The following KLHDC4 variants were observed in gnomAD, a reference collection of about 807,000 sequenced individuals.
KLHDC4 encodes the protein kelch domain-containing protein 4.
A neutral mutation model predicts 62.4 loss-of-function variants in KLHDC4; 90 were observed. That is an observed-to-expected ratio of 1.44 (90% CI 1.22 to 1.72). The LOEUF (loss-of-function observed/expected upper bound fraction) is 1.72, where lower values mean the gene tolerates loss of function less well. Among genes scored for constraint, KLHDC4 ranks in the 40% most tolerant of loss-of-function variants. The pLI is 0.00. For synonymous variants in KLHDC4, 386 were observed against 284.4 expected (o/e 1.36, Z -3.59); for missense variants, 1,025 against 699.7 (o/e 1.47, Z -5.25).
At chr16:87,731,671 T>C (rs1002670067) in intron 5 of KLHDC4, among the ~76,000 whole-genome samples, 2 of 151,248 alleles carry the variant, frequency 1.3e-5, no homozygotes, top group African/African-American at 4.9e-5. Context: ...CGGTGAAACA[T>C]AAACTTAGCG....
rs535564612 is a variant in KLHDC4 at position 87,760,585 on chromosome 16, T to C, written c.191+1364A>G. ...TGGCGCCACTGTACTCCAGCCTGGG[T>C]GACAGAGTGAGACTCCGTCCCAAAA... On this transcript the variant is annotated intron_variant, in intron 2 of 11. Transcript: ENST00000270583. 1.8e-4 allele frequency among the ~76,000 whole-genome samples: 23 copies of C among 126,944 alleles called. No homozygotes were observed. In the South Asian group the frequency reaches 5.3e-3, roughly 29 times the overall value. The allele number at this position is 126,944 out of a possible 152,430, so 83.3% of individuals were successfully genotyped here. A position where few individuals can be genotyped will look rare whatever the true frequency, so the allele number is the denominator to read the frequency against.
intron 8 of KLHDC4, among the ~76,000 whole-genome samples, chr16:87,713,095 G>A (rs750669421): frequency 6.6e-5 from 10 of 152,162 alleles, no homozygotes; most frequent in East Asian, 1.9e-4. Flanking sequence ...GCAGTGGCAC[G>A]ATCTCAGCTG....
chr16:87,758,327 G>A (rs1462016824), intron 2 of KLHDC4, among the ~76,000 whole-genome samples: 1 of 152,146 alleles, frequency 6.6e-6, no homozygotes, highest in Admixed American at 6.6e-5. Context: ...GCAGATGAGT[G>A]GACAAACACA....
chr16:87,708,610 C>A lies in KLHDC4; in HGVS notation c.1448-144G>T, dbSNP rs565501695. 2.8e-5 allele frequency: 13 copies of A among 469,388 alleles called. No homozygotes were observed. In the South Asian group the frequency reaches 7.8e-4, roughly 28 times the overall value. The allele number at this position is 469,388 out of a possible 1,614,324, so 29.1% of individuals were successfully genotyped here. A position where few individuals can be genotyped will look rare whatever the true frequency, so the allele number is the denominator to read the frequency against. On this transcript the variant is annotated intron_variant, in intron 10 of 11. Transcript: ENST00000270583. The stretch of plus-strand genomic sequence containing the variant: ...AAACCTAACTCCTCTTCCCCGACCC[C>A]CTTCAGATCCACAAAGGAAACAGAC...
chr16:87,723,849 T>G (rs1283064147), intron 7 of KLHDC4, among the ~76,000 whole-genome samples: 1 of 152,242 alleles, frequency 6.6e-6, no homozygotes, highest in Non-Finnish European at 1.5e-5. Context: ...TCTTTTTTCT[T>G]TTTTTTGAGA....
intron 5 of KLHDC4, among the ~76,000 whole-genome samples, chr16:87,735,966 G>C (rs1219418953): frequency 6.6e-6 from 1 of 152,132 alleles, no homozygotes; most frequent in Non-Finnish European, 1.5e-5. Flanking sequence ...GCATGCAAAC[G>C]CTTCTCTGAG....
rs140175371 is a variant in KLHDC4, at chr16:87,748,742, C to T, written c.437G>A (p.Gly146Glu). 349 of 1,613,566 alleles carry T rather than the reference C, an allele frequency of 2.2e-4. 2 individuals carry two copies. The African/African-American group carries it at 4.3e-3, about 20-fold the overall frequency. Residue 146 changes from glycine to glutamate, a missense_variant, in exon 5 of 12, where the codon GGA becomes GAA. Gly to Glu is a moderately conservative substitution (Grantham distance 98). Transcript: ENST00000270583. ...ATCCTTGTAGTGGTAGAACTGCTCT[C>T]CGTTGGGAGAGGCAAACTCCCCTCC... ...VFGGEFASPN[G>E]EQFYHYKDLW...
intron 2 of KLHDC4, among the ~76,000 whole-genome samples, chr16:87,759,537 G>A (rs979254665): frequency 1.1e-4 from 17 of 152,082 alleles, no homozygotes; most frequent in African/African-American, 2.7e-4. Flanking sequence ...ACCTAAGGTC[G>A]GGAGTTCAAG....
intron 5 of KLHDC4, among the ~76,000 whole-genome samples, chr16:87,734,146 A>G (rs1221423202): frequency 2.0e-5 from 3 of 152,202 alleles, no homozygotes; most frequent in African/African-American, 7.2e-5. Flanking sequence ...GGAGCTCAAG[A>G]CCAGCCTCAC....
intron 8 of KLHDC4, among the ~76,000 whole-genome samples, chr16:87,713,575 T>C (rs540344546): frequency 7.9e-5 from 12 of 151,770 alleles, no homozygotes; most frequent in African/African-American, 2.9e-4. Context: ...CCCCCGCCCA[T>C]GCTCCACACA....
chr16:87,707,283 G>A (rs933805233), downstream of KLHDC4, among the ~76,000 whole-genome samples: 1 of 152,232 alleles, frequency 6.6e-6, no homozygotes, highest in East Asian at 1.9e-4. Flanking sequence ...CAGCCATGTG[G>A]GGACGTTGGG....
exon 1 of KLHDC4, chr16:87,698,548 G>C (rs1246749851): frequency 6.6e-6 from 1 of 152,244 alleles, no homozygotes; most frequent in African/African-American, 2.4e-5. Flanking sequence ...CTAGGCCTAG[G>C]GGCAGTCAGC....
intron 5 of KLHDC4, among the ~76,000 whole-genome samples, chr16:87,746,455 C>T (rs779334599): frequency 5.9e-5 from 9 of 152,124 alleles, no homozygotes; most frequent in Admixed American, 1.3e-4. Flanking sequence ...CCTCCAAATC[C>T]GTACTCACAA....
rs552404886 is a variant in KLHDC4, at chr16:87,718,957, C to G, written c.760-4384G>C. ...TGAGGAGCGTCTCTGCCCGGCCGCCCGGTCTGAGAAGTGAGGAGCCCCTCC... is the reference window on the plus strand; with the variant it reads ...TGAGGAGCGTCTCTGCCCGGCCGCCGGGTCTGAGAAGTGAGGAGCCCCTCC... On this transcript the variant is annotated intron_variant, in intron 7 of 11. Transcript: ENST00000270583. 4.9e-3 allele frequency among the ~76,000 whole-genome samples: 732 copies of G among 150,764 alleles called. 3 individuals carry two copies. The highest frequency in any genetic ancestry group is 0.029 in the Middle Eastern group (8 of 276).
At chr16:87,702,308 GCT>G in exon 14 of KLHDC4, 1 of 456,238 alleles carries the variant, frequency 2.2e-6, no homozygotes, top group Non-Finnish European at 4.4e-6. Flanking sequence ...TCTGCCGGGG[GCT>G]CCCAGGCCCT....
At chr16:87,727,880 C>T (rs1162290448) in intron 6 of KLHDC4, among the ~76,000 whole-genome samples, 2 of 152,108 alleles carry the variant, frequency 1.3e-5, no homozygotes, top group South Asian at 2.1e-4. Flanking sequence ...GCACCAGCTG[C>T]CACATCTGGT....
chr16:87,744,593 A>G (rs1028260621), intron 5 of KLHDC4, among the ~76,000 whole-genome samples: 4 of 152,114 alleles, frequency 2.6e-5, no homozygotes, highest in African/African-American at 4.8e-5. Flanking sequence ...AAAAAAAAAA[A>G]AAATAGAATT....
At chr16:87,748,349 G>A (rs539026306) in intron 5 of KLHDC4, among the ~76,000 whole-genome samples, 4 of 152,268 alleles carry the variant, frequency 2.6e-5, no homozygotes, top group Admixed American at 1.3e-4. Flanking sequence ...AACAAGCTGG[G>A]CACCCAGAGC....
In KLHDC4 at chr16:87,711,301, G is replaced by A. The variant is rs761472348; in HGVS notation, c.978C>T (p.Gly326=). ...CDEEEEESLS[G]EFFNDLYFYD... is the part of the protein sequence containing the mutation. ...AGAAGTACAGATCGTTGAAGAACTCGCCCGACAGGCTCTCCTCCTCTTCCT... is the reference window on the plus strand; with the variant it reads ...AGAAGTACAGATCGTTGAAGAACTCACCCGACAGGCTCTCCTCCTCTTCCT... Residue 326 remains glycine (G), a synonymous_variant, in exon 9 of 12, where the codon GGC becomes GGT. Transcript: ENST00000270583. 28 of 1,614,098 alleles carry A rather than the reference G, an allele frequency of 1.7e-5. No individual in the cohort carries two copies. Among genetic ancestry groups the A allele is most frequent in the Admixed American group, 3.3e-5 (2 of 60,028 alleles).
Sources: gnomAD v4.1 joint callset for allele counts (sites outside exome capture counted in the v4.1 genomes callset) on GRCh38, gnomAD v4.1.1 for gene constraint, MANE v1.5 for transcripts, NCBI Gene and HGNC (gene_info 2026-07-23, HGNC 2026-07-21) for gene names.